CABLES1: variants seen among roughly 807,000 people sequenced by gnomAD.
CABLES1 encodes the protein Cdk5 and Abl enzyme substrate 1, also known as CDK5 and ABL1 enzyme substrate 1.
Under a neutral mutation model 57.8 loss-of-function variants are expected in CABLES1, and 36 were observed. The observed-to-expected ratio is 0.62, with a 90% CI of 0.48 to 0.82. CABLES1 has a LOEUF of 0.82. CABLES1 is among the 40% of genes least tolerant of loss of function. The pLI is 0.00. For missense variants in CABLES1, 767 were observed against 836.6 expected (o/e 0.92, Z 1.03); for synonymous variants, 374 against 363.0 (o/e 1.03, Z -0.35).
At chr18:23,141,698 C>T (rs1471231179) in intron 1 of CABLES1, among the ~76,000 whole-genome samples, 1 of 152,194 alleles carries the variant, frequency 6.6e-6, no homozygotes, top group African/African-American at 2.4e-5. Context: ...TGGGCGAGCT[C>T]AGGAGAAATA....
intron 7 of CABLES1, 70 bp downstream of exon 7, chr18:23,237,315 G>A: frequency 2.0e-6 from 2 of 1,025,156 alleles, no homozygotes; most frequent in Non-Finnish European, 3.1e-6. Flanking sequence ...GTGGCCGGCT[G>A]GGGGCTTGTT....
rs978475272 is a variant in CABLES1, at chr18:23,257,420, CACTT to C, written c.*61_*64del. 1.2e-5 allele frequency: 18 copies of C among 1,518,710 alleles called. No individual in the cohort carries two copies. The Admixed American group carries it at 1.2e-4, about 10-fold the overall frequency. The allele number at this position is 1,518,710 out of a possible 1,614,324, so 94.1% of individuals were successfully genotyped here. On this transcript the variant is annotated 3_prime_UTR_variant, in exon 10 of 10. Transcript: ENST00000256925. ...ATTTCTTCTCAGCTTGGTGGAGCAG[CACTT>C]ACTTACTACTGGAAATGAAAAAAAG...
At chr18:23,234,765 A>G in intron 5 of CABLES1, 61 bp downstream of exon 5, 1 of 1,344,748 alleles carries the variant, frequency 7.4e-7, no homozygotes, top group Non-Finnish European at 1.0e-6. Flanking sequence ...CAGGAAGCAG[A>G]GGAGGGGGGC....
intron 1 of CABLES1, among the ~76,000 whole-genome samples, chr18:23,178,111 C>A (rs923763382): frequency 6.6e-6 from 1 of 152,094 alleles, no homozygotes; most frequent in African/African-American, 2.4e-5. Context: ...CTGGCTGGGC[C>A]CCCACTTTTC....
chr18:23,140,191 A>T (rs1262733048), intron 1 of CABLES1, among the ~76,000 whole-genome samples: 1 of 152,220 alleles, frequency 6.6e-6, no homozygotes, highest in East Asian at 1.9e-4. Context: ...TGAATGGTGC[A>T]TCTGGAAGGT....
intron 9 of CABLES1, among the ~76,000 whole-genome samples, chr18:23,255,053 G>A (rs2048128896): frequency 1.3e-5 from 2 of 152,336 alleles, no homozygotes; most frequent in African/African-American, 2.4e-5. Context: ...TTGATGGGCT[G>A]TGGGGCCTAG....
At chr18:23,210,512 T>G (rs78821079) in intron 3 of CABLES1, among the ~76,000 whole-genome samples, 5,517 of 152,324 alleles carry the variant, frequency 0.036, 130 homozygotes, top group African/African-American at 0.062. Flanking sequence ...TCTCTTCTTG[T>G]GTATCTCCAT....
At chr18:23,252,011 G>A (rs1457612493) in intron 7 of CABLES1, among the ~76,000 whole-genome samples, 5 of 151,742 alleles carry the variant, frequency 3.3e-5, no homozygotes, top group Admixed American at 2.0e-4. Flanking sequence ...GCTTGAACCC[G>A]GGAGGCGGAG....
chr18:23,215,243 C>A (rs2047433201), intron 4 of CABLES1, among the ~76,000 whole-genome samples: 1 of 152,128 alleles, frequency 6.6e-6, no homozygotes, highest in Non-Finnish European at 1.5e-5. Context: ...GTGGGCTGCC[C>A]AGAGAGATGT....
chr18:23,136,479 C>T lies in CABLES1; in HGVS notation c.717C>T (p.Arg239=), dbSNP rs770721473. 2.1e-5 allele frequency: 34 copies of T among 1,603,674 alleles called. No individual in the cohort carries two copies. The Admixed American group carries it at 4.9e-4, about 23-fold the overall frequency. ...TPGSGSGSRG[R]LNSFTQGILP... ...GGAGTGGGAGCGGCAGTCGGGGACG[C>T]CTCAACTCGTTCACTCAGGGAATCC... The change falls in exon 1 of 10, where the codon CGC becomes CGT. Residue 239 remains arginine (R), a synonymous_variant. Coordinates refer to ENST00000256925, the MANE Select transcript of CABLES1 (RefSeq NM_001100619.3).
chr18:23,193,726 A>G (rs923308811), intron 2 of CABLES1, among the ~76,000 whole-genome samples: 4 of 152,226 alleles, frequency 2.6e-5, no homozygotes, highest in Non-Finnish European at 5.9e-5. Flanking sequence ...AACACTACAC[A>G]CAAATAAGGT....
In CABLES1 at chr18:23,253,819, C is replaced by A. The variant is rs367970943; in HGVS notation, c.1644C>A (p.Leu548=). ...VAMAFVYFEK[L]ALKGKLNKQN... ...TGGCCTTCGTCTACTTTGAAAAGCT[C>A]GCCCTCAAGGGGAAACTCAACAAAC... The change falls in exon 9 of 10, where the codon CTC becomes CTA. Residue 548 remains leucine, a synonymous_variant. Coordinates refer to ENST00000256925, the MANE Select transcript of CABLES1 (RefSeq NM_001100619.3). The A allele has an allele frequency of 1.9e-6, 3 of 1,614,224 alleles. No individual in the cohort carries two copies. Among genetic ancestry groups the A allele is most frequent in the Non-Finnish European group, 2.5e-6 (3 of 1,180,046 alleles).
rs144531147 is a variant in CABLES1, at chr18:23,241,932, C to T, written c.1446+4687C>T. Reference sequence around the variant, plus strand: ...TTTAAACTTTGATCCATGCAAGTCACTCCCACTGTTACCTACTGTAGAAGG... The same window carrying T: ...TTTAAACTTTGATCCATGCAAGTCATTCCCACTGTTACCTACTGTAGAAGG... On this transcript the variant is annotated intron_variant, in intron 7 of 9. Transcript: ENST00000256925. Among the ~76,000 whole-genome samples the T allele has an allele frequency of 2.0e-5, 3 of 152,286 alleles. No individual in the cohort carries two copies. The East Asian group carries it at 5.8e-4, about 29-fold the overall frequency.
In CABLES1 at chr18:23,259,571, T is replaced by C. The variant is rs2048244920; in HGVS notation, c.*2204T>C. On this transcript the variant is annotated 3_prime_UTR_variant, in exon 10 of 10. Transcript: ENST00000256925. ...TGTGGAATGGACAGTTTTGTGGGTTTTAATTTATTTGTGAGGAGTCGGGGC... is the reference window on the plus strand; with the variant it reads ...TGTGGAATGGACAGTTTTGTGGGTTCTAATTTATTTGTGAGGAGTCGGGGC... The C allele has an allele frequency of 6.6e-6, 1 of 152,158 alleles. No individual in the cohort carries two copies. The highest frequency in any genetic ancestry group is 1.5e-5 in the Non-Finnish European group (1 of 68,036). The allele number at this position is 152,158 out of a possible 1,614,324, so 9.4% of individuals were successfully genotyped here.
rs569922675 is a variant in CABLES1, at chr18:23,205,134, C to G, written c.1011-8843C>G. Reference sequence around the variant, plus strand: ...TCAGGATGCAGCTACCAGGGCTGTTCTGGCTGAGCAGGAGGGGAGGGAATT... The same window carrying G: ...TCAGGATGCAGCTACCAGGGCTGTTGTGGCTGAGCAGGAGGGGAGGGAATT... On this transcript the variant is annotated intron_variant, in intron 3 of 9. Transcript: ENST00000256925. Among the ~76,000 whole-genome samples, 9 of 149,336 alleles carry G rather than the reference C, an allele frequency of 6.0e-5. No individual in the cohort carries two copies. In the South Asian group the frequency reaches 1.9e-3, roughly 32 times the overall value.
intron 4 of CABLES1, among the ~76,000 whole-genome samples, chr18:23,220,971 T>TG (rs1161887666): frequency 2.0e-5 from 3 of 152,160 alleles, no homozygotes; most frequent in African/African-American, 7.2e-5. Flanking sequence ...TGCAGAGGTG[T>TG]GGGTGTTCCT....
intron 4 of CABLES1, among the ~76,000 whole-genome samples, chr18:23,224,573 T>G (rs1221714017): frequency 1.1e-4 from 16 of 144,586 alleles, no homozygotes; most frequent in East Asian, 6.0e-4. Context: ...TTTTTTTTTT[T>G]TTTTTTTTTT....
rs111541124 is a variant in CABLES1 at position 23,248,393 on chromosome 18, A to G, written c.1447-4567A>G. 6.4e-3 allele frequency among the ~76,000 whole-genome samples: 978 copies of G among 152,152 alleles called. 6 individuals carry two copies. The highest frequency in any genetic ancestry group is 0.022 in the African/African-American group (899 of 41,484). ...CATCCACTCTAGCAAGTTTAAGAAG[A>G]AAGAGGAGCCGGTGCAGGGGCGCAG... On this transcript the variant is annotated intron_variant, in intron 7 of 9. Coordinates refer to ENST00000256925, the MANE Select transcript of CABLES1 (RefSeq NM_001100619.3).
chr18:23,252,727 G>A lies in CABLES1; in HGVS notation c.1447-233G>A, dbSNP rs550383212. Among the ~76,000 whole-genome samples, 12 of 152,228 alleles carry A rather than the reference G, an allele frequency of 7.9e-5. No individual in the cohort carries two copies. In the South Asian group the frequency reaches 8.3e-4, roughly 11 times the overall value. On this transcript the variant is annotated intron_variant, in intron 7 of 9. Coordinates refer to ENST00000256925, the MANE Select transcript of CABLES1 (RefSeq NM_001100619.3). ...ACTGACTTCTGATGGTCTACAGGCCGGCTTTCCTAAGTGTCACCTCATCCT... is the reference window on the plus strand; with the variant it reads ...ACTGACTTCTGATGGTCTACAGGCCAGCTTTCCTAAGTGTCACCTCATCCT...
Sources: gnomAD v4.1 joint callset for allele counts (sites outside exome capture counted in the v4.1 genomes callset) on GRCh38, gnomAD v4.1.1 for gene constraint, MANE v1.5 for transcripts, NCBI Gene and HGNC (gene_info 2026-07-23, HGNC 2026-07-21) for gene names.